SIK2: variants seen among roughly 807,000 people sequenced by gnomAD.
SIK2 encodes the protein salt inducible kinase 2.
A neutral mutation model predicts 103.2 loss-of-function variants in SIK2; 29 were observed. That is an observed-to-expected ratio of 0.28 (90% CI 0.21 to 0.38). The LOEUF is 0.38. Ranked by LOEUF, SIK2 falls within the 10% of genes least tolerant of loss-of-function variation. The probability of loss-of-function intolerance (pLI) is 1.00; values close to 1 mark genes in which losing one functional copy is unlikely to be tolerated. For missense variants in SIK2, 879 were observed against 1,171.0 expected (o/e 0.75, Z 3.64); for synonymous variants, 412 against 446.1 (o/e 0.92, Z 0.96).
rs181177893 is a variant in SIK2 at position 111,689,633 on chromosome 11, G to A, written c.478+1471G>A. On this transcript the variant is annotated intron_variant, in intron 4 of 14. Coordinates refer to ENST00000304987, the MANE Select transcript of SIK2 (RefSeq NM_015191.3). ...CATCCAGATGACAGGGACTGACCAA[G>A]AAATTATTAATTGACCTGTTAGGTT... Among the ~76,000 whole-genome samples the A allele has an allele frequency of 2.2e-3, 335 of 152,294 alleles. 1 individual carries two copies. The highest frequency in any genetic ancestry group is 3.6e-3 in the Non-Finnish European group (248 of 68,016).
chr11:111,684,845 C>T (rs1942824629), intron 3 of SIK2, among the ~76,000 whole-genome samples: 1 of 152,122 alleles, frequency 6.6e-6, no homozygotes, highest in Non-Finnish European at 1.5e-5. Flanking sequence ...TCTGCAAAGG[C>T]AAGAGGAAGA....
chr11:111,621,110 A>C (rs1049416998), intron 3 of SIK2, among the ~76,000 whole-genome samples: 2 of 152,174 alleles, frequency 1.3e-5, no homozygotes, highest in East Asian at 3.8e-4. Flanking sequence ...TATGTAGTAA[A>C]TTACACGTAT....
In SIK2 at chr11:111,705,168, C is replaced by A. The variant is rs758455578; in HGVS notation, c.1101+29C>A. The A allele has an allele frequency of 8.8e-5, 135 of 1,535,448 alleles. No individual in the cohort carries two copies. In the Middle Eastern group the frequency reaches 3.8e-3, roughly 43 times the overall value. On this transcript the variant is annotated intron_variant, in intron 8 of 14. Coordinates refer to ENST00000304987, the MANE Select transcript of SIK2 (RefSeq NM_015191.3). This position sits in a 1 kb window ranked among gnomAD's most constrained non-coding sequence, Gnocchi z 4.3. Reference sequence around the variant, plus strand: ...ATGCCCCCTTAGCTGAGAGTCTTATCTGTGCATGTGCCTGTTCACATGTTT... The same window carrying A: ...ATGCCCCCTTAGCTGAGAGTCTTATATGTGCATGTGCCTGTTCACATGTTT...
chr11:111,616,070 C>G (rs1234351785), intron 1 of SIK2, among the ~76,000 whole-genome samples, 173 bp from the exon 2 acceptor site: 3 of 152,226 alleles, frequency 2.0e-5, no homozygotes, highest in African/African-American at 7.2e-5. Flanking sequence ...CTGCCTTACA[C>G]ATGGTATTAG....
chr11:111,637,645 A>G (rs975497314), intron 3 of SIK2, among the ~76,000 whole-genome samples: 3 of 151,824 alleles, frequency 2.0e-5, no homozygotes, highest in Non-Finnish European at 4.4e-5. Context: ...TACTTTCAGT[A>G]AAGACAGGGC....
intron 2 of SIK2, among the ~76,000 whole-genome samples, chr11:111,616,610 G>A (rs1296268354): frequency 6.6e-6 from 1 of 152,070 alleles, no homozygotes; most frequent in Non-Finnish European, 1.5e-5. Flanking sequence ...CAACAGTTTG[G>A]GAGGCTGAGC....
At chr11:111,668,036 G>T (rs550323434) in intron 3 of SIK2, among the ~76,000 whole-genome samples, 6 of 152,238 alleles carry the variant, frequency 3.9e-5, no homozygotes, top group African/African-American at 1.4e-4. Context: ...GTCAGGAAAG[G>T]CTTTCTTAGT....
rs573419639 is a variant in SIK2 at position 111,694,708 on chromosome 11, A to T, written c.479-6178A>T. Among the ~76,000 whole-genome samples the T allele has an allele frequency of 4.0e-4, 61 of 152,358 alleles. 1 individual carries two copies. The South Asian group carries it at 6.2e-3, about 16-fold the overall frequency. ...AAGTAAAAAGAGCTTTACATCAAAA[A>T]GCACAATGAAACTTTGTATCCTTAA... On this transcript the variant is annotated intron_variant, in intron 4 of 14. Transcript: ENST00000304987.
At position 111,671,872 on chromosome 11, in the gene SIK2, C is replaced by T. The variant is rs970388020; in HGVS notation, c.317-16129C>T. 5 of 413,962 alleles carry T rather than the reference C, an allele frequency of 1.2e-5. No individual in the cohort carries two copies. The East Asian group carries it at 3.1e-4, about 26-fold the overall frequency. The allele number at this position is 413,962 out of a possible 1,614,324, so 25.6% of individuals were successfully genotyped here. The stretch of plus-strand genomic sequence containing the variant: ...CCTACTTTTTCTTGAAGTCCTCAAG[C>T]TGCCCCTGCGTATCACCAAGCTCCA... On this transcript the variant is annotated intron_variant, in intron 3 of 14. Transcript: ENST00000304987.
intron 3 of SIK2, among the ~76,000 whole-genome samples, chr11:111,673,109 C>T (rs1942651804): frequency 6.6e-6 from 1 of 152,168 alleles, no homozygotes. Context: ...AATCTGCAAA[C>T]CCAACTCTAT....
chr11:111,655,258 C>T (rs1389086325), intron 3 of SIK2, among the ~76,000 whole-genome samples: 7 of 151,990 alleles, frequency 4.6e-5, no homozygotes, highest in African/African-American at 1.2e-4. Context: ...AAAAATTAGC[C>T]GGGCATGGTG....
At chr11:111,676,026 T>A (rs893655790) in intron 3 of SIK2, among the ~76,000 whole-genome samples, 1 of 152,218 alleles carries the variant, frequency 6.6e-6, no homozygotes, top group South Asian at 2.1e-4. Context: ...TGGTTTTCTG[T>A]TTCTGCTTTA....
Position 111,613,132 on chromosome 11 carries a change from T to G in SIK2, c.136-3111T>G, listed in dbSNP as rs1342936532. ...CATATATTTTTCACTTTTTCATTGT[T>G]GAGGCCAACATTCCAAAAGGGTATA... On this transcript the variant is annotated intron_variant, in intron 1 of 14. Coordinates refer to ENST00000304987, the MANE Select transcript of SIK2 (RefSeq NM_015191.3). Among the ~76,000 whole-genome samples the G allele has an allele frequency of 2.0e-5, 3 of 151,992 alleles. No individual in the cohort carries two copies. In the South Asian group the frequency reaches 6.2e-4, roughly 31 times the overall value.
chr11:111,691,908 T>G (rs1388807045), intron 4 of SIK2, among the ~76,000 whole-genome samples: 2 of 152,162 alleles, frequency 1.3e-5, no homozygotes, highest in Non-Finnish European at 2.9e-5. Flanking sequence ...ACCTTTAAGT[T>G]AATATAACAC....
Position 111,645,562 on chromosome 11 carries a change from T to G in SIK2, c.316+25160T>G, listed in dbSNP as rs192496467. On this transcript the variant is annotated intron_variant, in intron 3 of 14. Transcript: ENST00000304987. ...CAGGCCAGGCACAGTGGCTTATGCC[T>G]GTAATCCCAGCACTTTGGGAGGCCA... Among the ~76,000 whole-genome samples, 6 of 152,374 alleles carry G rather than the reference T, an allele frequency of 3.9e-5. No homozygotes were observed. The East Asian group carries it at 1.2e-3, about 29-fold the overall frequency.
intron 3 of SIK2, among the ~76,000 whole-genome samples, chr11:111,666,023 C>T (rs1408769326): frequency 9.9e-5 from 15 of 152,194 alleles, no homozygotes. Context: ...GTGACTACTG[C>T]ACTAGCATGA....
rs778917625 is a variant in SIK2, at chr11:111,723,695, G to A, written c.2347G>A (p.Glu783Lys). The A allele has an allele frequency of 1.9e-5, 30 of 1,613,872 alleles. No homozygotes were observed. Among genetic ancestry groups the A allele is most frequent in the South Asian group, 7.7e-5 (7 of 91,048 alleles). ...PLSPVLEPSS[E>K]QMQYSPFLSQ... The stretch of plus-strand genomic sequence containing the variant: ...GAGCCCCGTCCTGGAGCCTTCCTCC[G>A]AGCAGATGCAATACAGCCCTTTCCT... Residue 783 changes from glutamate to lysine, a missense_variant, in exon 15 of 15, where the codon GAG (glutamate) becomes AAG (lysine). Around this residue, in one of 7 missense-constraint regions of SIK2, gnomAD observed 375 missense variants for 416.3 expected, o/e 0.90. Transcript: ENST00000304987.
chr11:111,677,972 A>C (rs2135885654), intron 3 of SIK2, among the ~76,000 whole-genome samples: 1 of 152,306 alleles, frequency 6.6e-6, no homozygotes, highest in Middle Eastern at 3.4e-3. Flanking sequence ...TAAAGTCCTT[A>C]AGTGGCTATC....
At chr11:111,690,516 A>G (rs1364675798) in intron 4 of SIK2, among the ~76,000 whole-genome samples, 5 of 152,058 alleles carry the variant, frequency 3.3e-5, no homozygotes, top group Non-Finnish European at 7.4e-5. Context: ...GTAGGTATAC[A>G]TGTGCCATGG....
Sources: allele counts gnomAD v4.1 joint callset (sites outside exome capture counted in the v4.1 genomes callset), GRCh38; gene constraint gnomAD v4.1.1; regional missense constraint gnomAD v4.1.1; non-coding constraint Gnocchi (gnomAD v3.1); transcripts MANE v1.5; gene names NCBI Gene and HGNC (gene_info 2026-07-23, HGNC 2026-07-21).